GOSR2: variants seen among roughly 807,000 people sequenced by gnomAD.
The protein encoded by GOSR2 is golgi SNAP receptor complex member 2.
Under a neutral mutation model 27.9 loss-of-function variants are expected in GOSR2, and 20 were observed. That is an observed-to-expected ratio of 0.72 (90% confidence interval 0.50 to 1.04). GOSR2 has a LOEUF of 1.04. GOSR2 is among the 50% of genes least tolerant of loss of function. GOSR2 has a pLI of 0.00. For missense variants in GOSR2, 261 were observed against 270.5 expected, an observed-to-expected ratio of 0.97 and a Z score of 0.25; for synonymous variants, 91 against 98.8, an observed-to-expected ratio of 0.92 and a Z score of 0.47.
At chr17:46,971,736 C>T (rs71375374), downstream of GOSR2, among the ~76,000 whole-genome samples, 2,005 of 152,308 alleles carry the variant, frequency 0.013, 47 homozygotes, top group African/African-American at 0.046. Context: ...TGCACCCCGA[C>T]CTGCCTGTAT....
Position 46,938,644 on chromosome 17 carries a change from T to C in GOSR2, c.523T>C (p.Ser175Pro). Residue 175 changes from serine (S) to proline (P), a missense_variant, in exon 6 of 6, where the codon TCC becomes CCC. Transcript: ENST00000640051. ...ILDIANMLGLSNTVMRLIEKR... is the reference protein window; with the variant it reads ...ILDIANMLGLPNTVMRLIEKR... ...TGACATTGCCAACATGCTGGGCTTGTCCAACACAGTGATGCGGCTCATCGA... is the reference window on the plus strand; with the variant it reads ...TGACATTGCCAACATGCTGGGCTTGCCCAACACAGTGATGCGGCTCATCGA... 1 of 1,614,156 alleles carries C rather than the reference T, an allele frequency of 6.2e-7. No individual in the cohort carries two copies. Among genetic ancestry groups the C allele is most frequent in the Non-Finnish European group, 8.5e-7 (1 of 1,180,012 alleles).
chr17:46,941,053 G>A lies in GOSR2; in HGVS notation c.*2293G>A, dbSNP rs77706742. 3.1e-3 allele frequency: 3,385 copies of A among 1,084,338 alleles called. 49 individuals carry two copies. The African/African-American group carries it at 0.036, about 11-fold the overall frequency. The allele number at this position is 1,084,338 out of a possible 1,614,324, so 67.2% of individuals were successfully genotyped here. On this transcript the variant is annotated 3_prime_UTR_variant, in exon 6 of 6. Transcript: ENST00000640051. ...AGGTCGAGCTGATGCAAGAAACTCC[G>A]GTAGCCAGCCTCTGTGACCTTGTAC... is the stretch of plus-strand genomic sequence containing the variant.
intron 6 of GOSR2, among the ~76,000 whole-genome samples, chr17:46,947,295 G>A (rs376749418): frequency 1.3e-5 from 2 of 152,184 alleles, no homozygotes; most frequent in South Asian, 4.1e-4. Flanking sequence ...AGGTCGTGGT[G>A]GGCTGTGGGT....
rs2088080065 is a variant in GOSR2, at chr17:46,935,124, G to GCACAATATTTTAGATGGA, written c.434_451dup (p.His145_Gly150dup). On this transcript the variant is annotated inframe_insertion, in exon 5 of 6. Coordinates refer to ENST00000640051, the MANE Select transcript of GOSR2 (RefSeq NM_004287.5). ...GCATGGATGACCTCATTTTAGATGGGCACAATATTTTAGATGGACTGAGGA... is the reference window on the plus strand; with the variant it reads ...GCATGGATGACCTCATTTTAGATGGGCACAATATTTTAGATGGACACAATATTTTAGATGGACTGAGGA... The GCACAATATTTTAGATGGA allele has an allele frequency of 1.9e-6, 3 of 1,614,032 alleles. No homozygotes were observed. The highest frequency in any genetic ancestry group is 2.5e-6 in the Non-Finnish European group (3 of 1,179,854).
downstream of GOSR2, chr17:46,942,066 A>C: frequency 2.1e-6 from 1 of 475,790 alleles, no homozygotes; most frequent in South Asian, 9.0e-5. Context: ...AAATAACTGA[A>C]ACAGATACAA....
rs764348351 is a variant in GOSR2, at chr17:46,935,106, T to C, written c.414T>C (p.Asp138=). 1 of 1,613,720 alleles carries C rather than the reference T, an allele frequency of 6.2e-7. No individual in the cohort carries two copies. Among genetic ancestry groups the C allele is most frequent in the Non-Finnish European group, 8.5e-7 (1 of 1,179,568 alleles). ...TCCAGAAAGTTCACAACGGCATGGATGACCTCATTTTAGATGGGCACAATA... is the reference window on the plus strand; with the variant it reads ...TCCAGAAAGTTCACAACGGCATGGACGACCTCATTTTAGATGGGCACAATA... ...SSLQKVHNGM[D]DLILDGHNIL... The change falls in exon 5 of 6, where the codon GAT becomes GAC. Residue 138 remains aspartate, a synonymous_variant. Transcript: ENST00000640051.
rs1475283687 is a variant in GOSR2, at chr17:46,941,837, C to T, written c.*3077C>T. ...CTGGCCTCAAGTGATCTGCCTGCTT[C>T]GGCCTCCCAAAGTTCTAGGGTTACA... On this transcript the variant is annotated 3_prime_UTR_variant, in exon 6 of 6. Transcript: ENST00000640051. The T allele has an allele frequency of 6.2e-6, 4 of 643,404 alleles. No homozygotes were observed. The highest frequency in any genetic ancestry group is 6.9e-5 in the South Asian group (1 of 14,414). 39.9% of individuals were successfully genotyped at this position (643,404 alleles called of 1,614,324 possible). A position where few individuals can be genotyped will look rare whatever the true frequency, so the allele number is the denominator to read the frequency against.
chr17:46,929,394 T>C, intron 1 of GOSR2, 126 bp from the exon 2 acceptor site: 1 of 707,064 alleles, frequency 1.4e-6, no homozygotes, highest in South Asian at 1.5e-5. Context: ...CACATACAAA[T>C]TTTACAGTTC....
chr17:46,952,650 G>A (rs1703895140), intron 6 of GOSR2: 1 of 152,120 alleles, frequency 6.6e-6, no homozygotes, highest in Non-Finnish European at 1.5e-5. Flanking sequence ...TAACCTGAAG[G>A]CTTTTATTCC....
At chr17:46,931,249 A>T (rs1175554443) in intron 3 of GOSR2, 42 bp downstream of exon 3, 1 of 936,426 alleles carries the variant, frequency 1.1e-6, no homozygotes, top group Middle Eastern at 2.1e-4. Flanking sequence ...CTCCAGGCCC[A>T]TCAAGACAGG....
chr17:46,927,767 T>A (rs2086704147), intron 1 of GOSR2, among the ~76,000 whole-genome samples: 1 of 152,230 alleles, frequency 6.6e-6, no homozygotes, highest in Non-Finnish European at 1.5e-5. Context: ...TTGTTACTGC[T>A]TTGTAAGTCA....
At chr17:46,975,432 C>T (rs1156969061) in exon 7 of GOSR2, 1 of 152,398 alleles carries the variant, frequency 6.6e-6, no homozygotes, top group Non-Finnish European at 1.5e-5. Flanking sequence ...TCTGCTCTGT[C>T]TGGCTCTGCC....
downstream of GOSR2, among the ~76,000 whole-genome samples, chr17:46,970,535 C>CAAAAAAAA: frequency 2.0e-5 from 1 of 51,204 alleles, no homozygotes; most frequent in South Asian, 1.1e-3. Context: ...GACTCCATCT[C>CAAAAAAAA]AAAAAAAAAA....
intron 6 of GOSR2, among the ~76,000 whole-genome samples, chr17:46,952,146 A>G (rs2090404857): frequency 6.6e-6 from 1 of 152,068 alleles, no homozygotes; most frequent in African/African-American, 2.4e-5. Flanking sequence ...TCATTTATCT[A>G]CCCAGCATCT....
At chr17:46,932,001 C>T in intron 3 of GOSR2, 66 bp from the exon 4 acceptor site, 1 of 1,457,154 alleles carries the variant, frequency 6.9e-7, no homozygotes, top group Non-Finnish European at 9.6e-7. Flanking sequence ...CAGTACAAAG[C>T]CTGGCCCCCT....
intron 6 of GOSR2, among the ~76,000 whole-genome samples, chr17:46,950,282 T>C (rs2317997): frequency 0.45 from 67,734 of 151,820 alleles, 15,336 homozygotes; most frequent in South Asian, 0.52. Context: ...CCCCAGAGAG[T>C]GTGGACTCTC....
chr17:46,940,063 T>G lies in GOSR2; in HGVS notation c.*1303T>G. ...TGCCCTACCTGCTCTGTTAGTTTCT[T>G]GTTGCTTGAACTGTCTTCTGTCTTA... On this transcript the variant is annotated 3_prime_UTR_variant, in exon 6 of 6. Coordinates refer to ENST00000640051, the MANE Select transcript of GOSR2 (RefSeq NM_004287.5). The G allele has an allele frequency of 9.3e-7, 1 of 1,079,526 alleles. No homozygotes were observed. Among genetic ancestry groups the G allele is most frequent in the Non-Finnish European group, 1.1e-6 (1 of 888,148 alleles). 66.9% of individuals were successfully genotyped at this position (1,079,526 alleles called of 1,614,324 possible).
At chr17:46,966,964 T>C (rs1447410226) in exon 7 of GOSR2, 4 of 344,658 alleles carry the variant, frequency 1.2e-5, no homozygotes, top group Non-Finnish European at 2.1e-5. Flanking sequence ...CTTCCTTGTG[T>C]TTTGCTTATT....
chr17:46,937,345 G>A (rs1056200217), intron 5 of GOSR2: 1 of 152,160 alleles, frequency 6.6e-6, no homozygotes, highest in Admixed American at 6.5e-5. Context: ...AAATAGGTTG[G>A]TATCAATGAT....
Sources: allele counts gnomAD v4.1 joint callset (sites outside exome capture counted in the v4.1 genomes callset), GRCh38; gene constraint gnomAD v4.1.1; transcripts MANE v1.5; gene names NCBI Gene and HGNC (gene_info 2026-07-23, HGNC 2026-07-21).